The following DIAPH2 variants were observed in gnomAD, a reference collection of about 807,000 sequenced individuals.
DIAPH2 encodes diaphanous related formin 2.
Under a neutral mutation model 92.7 loss-of-function variants are expected in DIAPH2, and 35 were observed. That is an observed-to-expected ratio of 0.38 (90% CI 0.29 to 0.50). DIAPH2 has a LOEUF of 0.50. Among genes scored for constraint, DIAPH2 ranks in the 20% least tolerant of loss-of-function variants. The probability of loss-of-function intolerance (pLI) is 0.94; values close to 1 mark genes in which losing one functional copy is unlikely to be tolerated. For missense variants in DIAPH2, 701 were observed against 819.5 expected (o/e 0.86, Z 1.77); for synonymous variants, 301 against 280.4 (o/e 1.07, Z -0.73).
chrX:97,233,049 T>C (rs999367741), intron 22 of DIAPH2, among the ~76,000 whole-genome samples: 1 of 112,527 alleles, frequency 8.9e-6, no homozygotes, highest in African/African-American at 3.2e-5. Context: ...AATTTATACG[T>C]CTTTGTATTT....
intron 26 of DIAPH2, among the ~76,000 whole-genome samples, chrX:97,478,550 A>G (rs2070627258): frequency 8.9e-6 from 1 of 112,078 alleles, no homozygotes; most frequent in Non-Finnish European, 1.9e-5. Flanking sequence ...GAATATTTTG[A>G]ATGAAATTTT....
intron 4 of DIAPH2, among the ~76,000 whole-genome samples, chrX:96,868,534 A>G (rs749113726): frequency 9.0e-6 from 1 of 111,670 alleles, no homozygotes; most frequent in East Asian, 2.8e-4. Context: ...AGCCTTATCT[A>G]CCTTTGGTGA....
intron 21 of DIAPH2, among the ~76,000 whole-genome samples, chrX:97,121,300 G>A (rs1223072516): frequency 8.9e-6 from 1 of 111,984 alleles, no homozygotes. Context: ...AGATCAAGAT[G>A]CCAGCAGGGT....
At chrX:97,313,936 G>A (rs184172190) in intron 23 of DIAPH2, among the ~76,000 whole-genome samples, 141 of 110,551 alleles carry the variant, frequency 1.3e-3, no homozygotes, top group African/African-American at 4.4e-3. Flanking sequence ...CACCGTGCCC[G>A]GCCTGGCTTT....
intron 4 of DIAPH2, among the ~76,000 whole-genome samples, chrX:96,841,485 C>T (rs1265175775): frequency 8.9e-6 from 1 of 111,812 alleles, no homozygotes; most frequent in East Asian, 2.8e-4. Context: ...TTATAAGAGC[C>T]TCTCAGATTG....
At chrX:97,234,096 G>A (rs1277019536) in intron 22 of DIAPH2, among the ~76,000 whole-genome samples, 4 of 108,911 alleles carry the variant, frequency 3.7e-5, no homozygotes, top group East Asian at 2.9e-4. Context: ...GGCTGAGGCC[G>A]GTAGATCACA....
At chrX:97,550,627 A>G (rs1166153670) in intron 26 of DIAPH2, among the ~76,000 whole-genome samples, 1 of 111,751 alleles carries the variant, frequency 8.9e-6, no homozygotes, top group Non-Finnish European at 1.9e-5. Flanking sequence ...TGAAGTTCTT[A>G]AAAACCTTTC....
At chrX:97,486,080 C>T (rs2070686338) in intron 26 of DIAPH2, among the ~76,000 whole-genome samples, 1 of 108,833 alleles carries the variant, frequency 9.2e-6, no homozygotes, top group Non-Finnish European at 1.9e-5. Context: ...CATTTCTTTT[C>T]AAGAAAAATA....
Position 97,424,381 on chromosome X carries a change from T to C in DIAPH2, c.3146-5269T>C, listed in dbSNP as rs1288917656. On this transcript the variant is annotated intron_variant, in intron 25 of 26. Coordinates refer to ENST00000324765, the MANE Select transcript of DIAPH2 (RefSeq NM_006729.5). ...TGTGGGTGGAAAAACATCTTAGATA[T>C]TGCAATGGTTTGTAGCCTTCCAAAG... Among the ~76,000 whole-genome samples, 20 of 111,315 alleles carry C rather than the reference T, an allele frequency of 1.8e-4. 1 individual carries two copies. The highest frequency in any genetic ancestry group is 3.4e-4 in the Non-Finnish European group (18 of 53,078).
intron 21 of DIAPH2, among the ~76,000 whole-genome samples, chrX:97,123,773 A>T (rs1268455880): frequency 1.8e-5 from 2 of 112,566 alleles, no homozygotes; most frequent in African/African-American, 6.5e-5. Flanking sequence ...GAAACAGACT[A>T]TCATGGCTCC....
chrX:97,225,697 A>T (rs967653888), intron 22 of DIAPH2, among the ~76,000 whole-genome samples: 3 of 110,856 alleles, frequency 2.7e-5, no homozygotes, highest in Non-Finnish European at 5.7e-5. Flanking sequence ...ATATATTGAA[A>T]TTTTTTTTCT....
chrX:96,758,747 A>G (rs759612647), intron 4 of DIAPH2, among the ~76,000 whole-genome samples: 146 of 111,782 alleles, frequency 1.3e-3, no homozygotes, highest in African/African-American at 4.5e-3. Flanking sequence ...AAGCTGCCTC[A>G]TAATTGCTAT....
At chrX:97,069,743 A>T (rs1317454577) in intron 17 of DIAPH2, among the ~76,000 whole-genome samples, 1 of 112,275 alleles carries the variant, frequency 8.9e-6, no homozygotes, top group Non-Finnish European at 1.9e-5. Flanking sequence ...GTTAGTTATC[A>T]CTATGTAAAT....
chrX:97,259,363 A>G (rs777117477), intron 23 of DIAPH2, among the ~76,000 whole-genome samples: 2 of 112,042 alleles, frequency 1.8e-5, no homozygotes, highest in African/African-American at 6.5e-5. Flanking sequence ...GAAAACATCA[A>G]GTAGACCTCT....
intron 4 of DIAPH2, among the ~76,000 whole-genome samples, chrX:96,790,075 T>G (rs1477292389): frequency 9.4e-6 from 1 of 106,847 alleles, no homozygotes; most frequent in African/African-American, 3.4e-5. Context: ...TGTTTTTTGT[T>G]TTTTTTTTTT....
At chrX:97,053,206 C>T (rs1267744630) in intron 17 of DIAPH2, among the ~76,000 whole-genome samples, 1 of 111,629 alleles carries the variant, frequency 9.0e-6, no homozygotes, top group East Asian at 2.8e-4. Flanking sequence ...TGCTCAAGTT[C>T]ATCTGGGTTC....
At chrX:97,433,236 C>T (rs2070146541) in intron 26 of DIAPH2, among the ~76,000 whole-genome samples, 1 of 110,518 alleles carries the variant, frequency 9.0e-6, no homozygotes, top group Admixed American at 9.7e-5. Flanking sequence ...AAAGGCTGGG[C>T]GTGGTGGCTC....
At chrX:96,762,947 C>T (rs1242129789) in intron 4 of DIAPH2, among the ~76,000 whole-genome samples, 1 of 110,812 alleles carries the variant, frequency 9.0e-6, no homozygotes, top group African/African-American at 3.3e-5. Context: ...CTATTTTAGC[C>T]TGTATATCTA....
chrX:96,768,101 A>G (rs1269909690), intron 4 of DIAPH2, among the ~76,000 whole-genome samples: 1 of 112,391 alleles, frequency 8.9e-6, no homozygotes, highest in Non-Finnish European at 1.9e-5. Flanking sequence ...TTTAGAAAAC[A>G]GCTAAAATGA....
Sources: allele counts gnomAD v4.1 joint callset (sites outside exome capture counted in the v4.1 genomes callset), GRCh38; gene constraint gnomAD v4.1.1; transcripts MANE v1.5; gene names NCBI Gene and HGNC (gene_info 2026-07-23, HGNC 2026-07-21).